The following AMMECR1L variants were observed in gnomAD, a reference collection of about 807,000 sequenced individuals.
AMMECR1L encodes the protein AMMECR1 like, also known as AMMECR1-like protein.
Under a neutral mutation model 36.8 loss-of-function variants are expected in AMMECR1L, and 4 were observed. The ratio of observed to expected loss-of-function variants is 0.11; its 90% CI spans 0.05 to 0.25. The LOEUF (loss-of-function observed/expected upper bound fraction) is 0.25, where lower values mean the gene tolerates loss of function less well. Among genes scored for constraint, AMMECR1L ranks in the 10% least tolerant of loss-of-function variants. The pLI, the probability that AMMECR1L is intolerant of heterozygous loss-of-function variation, is 1.00. For synonymous variants in AMMECR1L, 147 were observed against 148.0 expected (o/e 0.99, Z 0.05); for missense variants, 232 against 392.1 (o/e 0.59, Z 3.45).
Position 127,869,634 on chromosome 2 carries a change from C to T in AMMECR1L, c.634-90G>A, listed in dbSNP as rs1573541669. On this transcript the variant is annotated intron_variant, in intron 5 of 7. Coordinates refer to ENST00000272647, the MANE Select transcript of AMMECR1L (RefSeq NM_001199140.2). This position sits in a 1 kb window ranked among gnomAD's most constrained non-coding sequence, Gnocchi z 4.7. ...ATATAAATCAACATTGTTCCCTGAC[C>T]AGCTTAACACAGGCCTGGAAAAGGG... The T allele has an allele frequency of 1.8e-5, 19 of 1,061,988 alleles. No homozygotes were observed. The highest frequency in any genetic ancestry group is 1.5e-6 in the Non-Finnish European group (1 of 689,636). 65.8% of individuals were successfully genotyped at this position (1,061,988 alleles called of 1,614,324 possible).
At chr2:127,882,626 G>A (rs545121560) in intron 2 of AMMECR1L, among the ~76,000 whole-genome samples, 8 of 151,782 alleles carry the variant, frequency 5.3e-5, no homozygotes, top group South Asian at 2.1e-4. Context: ...CAGGGTCTCC[G>A]TCTGCGGTCC....
rs1690942318 is a variant in AMMECR1L at position 127,871,055 on chromosome 2, C to T, written c.519-127G>A. The T allele has an allele frequency of 2.2e-6, 2 of 920,554 alleles. No individual in the cohort carries two copies. The highest frequency in any genetic ancestry group is 1.7e-5 in the African/African-American group (1 of 59,830). 57.0% of individuals were successfully genotyped at this position (920,554 alleles called of 1,614,324 possible). ...AGTATCTATTGTTCATCAACACTAACATGTTAAAAACAACTCGATGCTATT... is the reference window on the plus strand; with the variant it reads ...AGTATCTATTGTTCATCAACACTAATATGTTAAAAACAACTCGATGCTATT... On this transcript the variant is annotated intron_variant, in intron 4 of 7. Coordinates refer to ENST00000272647, the MANE Select transcript of AMMECR1L (RefSeq NM_001199140.2). This position sits in a 1 kb window ranked among gnomAD's most constrained non-coding sequence, Gnocchi z 4.3.
intron 2 of AMMECR1L, among the ~76,000 whole-genome samples, chr2:127,877,654 C>T (rs1410767561): frequency 1.3e-5 from 2 of 151,978 alleles, no homozygotes; most frequent in Non-Finnish European, 2.9e-5. Context: ...GGATTTAGAT[C>T]ACAATCTATG....
intron 2 of AMMECR1L, among the ~76,000 whole-genome samples, chr2:127,880,495 G>A (rs1691442374): frequency 6.6e-6 from 1 of 152,036 alleles, no homozygotes; most frequent in African/African-American, 2.4e-5. Context: ...TGATGCTGCG[G>A]CGTCCTCATC....
Position 127,869,373 on chromosome 2 carries a change from T to C in AMMECR1L, c.724+81A>G. On this transcript the variant is annotated intron_variant, in intron 6 of 7. Coordinates refer to ENST00000272647, the MANE Select transcript of AMMECR1L (RefSeq NM_001199140.2). The surrounding 1 kb of genome is among the most constrained non-coding windows in gnomAD (Gnocchi z 4.7). ...TCTCAGCTGCAGTTGGGCTGCAAGA[T>C]GACACACTTCACTTTCTTGCCCTTT... 1.5e-6 allele frequency: 2 copies of C among 1,347,204 alleles called. No individual in the cohort carries two copies. The highest frequency in any genetic ancestry group is 2.3e-5 in the East Asian group (1 of 43,226). The allele number at this position is 1,347,204 out of a possible 1,614,324, so 83.5% of individuals were successfully genotyped here.
In AMMECR1L at chr2:127,874,094, T is replaced by C; in HGVS notation, c.141A>G (p.Gly47=). ...QSTTVPGSSS[G]PLQNHQHVDS... is the part of the protein sequence containing the mutation. ...CCACATGCTGGTGGTTTTGAAGAGG[T>C]CCTGAACTAGAGCCGGGGACAGTTG... is the stretch of plus-strand genomic sequence containing the variant. The change falls in exon 3 of 8, where the codon GGA becomes GGG. Residue 47 remains glycine, a synonymous_variant. Coordinates refer to ENST00000272647, the MANE Select transcript of AMMECR1L (RefSeq NM_001199140.2). The surrounding 1 kb of genome is among the most constrained non-coding windows in gnomAD (Gnocchi z 5.2). 6.2e-7 allele frequency: 1 copy of C among 1,614,092 alleles called. No homozygotes were observed. The highest frequency in any genetic ancestry group is 8.5e-7 in the Non-Finnish European group (1 of 1,180,030).
intron 6 of AMMECR1L, 26 bp from the exon 7 acceptor site, chr2:127,867,022 G>A (rs781651082): frequency 7.4e-6 from 12 of 1,613,218 alleles, no homozygotes; most frequent in Middle Eastern, 3.3e-4. Flanking sequence ...GCCACACTGA[G>A]GTCAATGCAC....
At chr2:127,877,322 G>A (rs1691292124) in intron 2 of AMMECR1L, among the ~76,000 whole-genome samples, 1 of 145,234 alleles carries the variant, frequency 6.9e-6, no homozygotes, top group South Asian at 2.3e-4. Context: ...CTGCCACTAA[G>A]TGGCAGCGCT....
chr2:127,885,280 G>T (rs1559003503), intron 1 of AMMECR1L: 2 of 984,112 alleles, frequency 2.0e-6, no homozygotes, highest in Non-Finnish European at 2.4e-6. Flanking sequence ...CCGAGGGACA[G>T]GGTGAAAGGT....
chr2:127,867,013 C>T lies in AMMECR1L; in HGVS notation c.725-17G>A. On this transcript the variant is annotated splice_polypyrimidine_tract_variant and intron_variant, in intron 6 of 7. Coordinates refer to ENST00000272647, the MANE Select transcript of AMMECR1L (RefSeq NM_001199140.2). Reference sequence around the variant, plus strand: ...GATCCCAGTCTGGGGAGGAGAAAGGCCACACTGAGGTCAATGCACATGCAA... The same window carrying T: ...GATCCCAGTCTGGGGAGGAGAAAGGTCACACTGAGGTCAATGCACATGCAA... 1 of 1,613,590 alleles carries T rather than the reference C, an allele frequency of 6.2e-7. No individual in the cohort carries two copies. Among genetic ancestry groups the T allele is most frequent in the East Asian group, 2.2e-5 (1 of 44,886 alleles).
At position 127,874,216 on chromosome 2, in the gene AMMECR1L, CACA is replaced by C; in HGVS notation, c.16_18del (p.Cys6del). 5.0e-6 allele frequency: 8 copies of C among 1,614,174 alleles called. No individual in the cohort carries two copies. Among genetic ancestry groups the C allele is most frequent in the Middle Eastern group, 1.7e-4 (1 of 6,060 alleles). Reference sequence around the variant, plus strand: ...GCCAACTTGGGCTCGAGTGGAGGAACACAACGTCTTTTTCCCATCCTGATTCAG... The same window carrying C: ...GCCAACTTGGGCTCGAGTGGAGGAACACGTCTTTTTCCCATCCTGATTCAG... On this transcript the variant is annotated inframe_deletion, in exon 3 of 8. Coordinates refer to ENST00000272647, the MANE Select transcript of AMMECR1L (RefSeq NM_001199140.2). This position sits in a 1 kb window ranked among gnomAD's most constrained non-coding sequence, Gnocchi z 5.2.
chr2:127,870,326 A>T (rs574401041), intron 5 of AMMECR1L, among the ~76,000 whole-genome samples: 1 of 151,448 alleles, frequency 6.6e-6, no homozygotes, highest in South Asian at 2.1e-4. Context: ...AAAAAAAAAA[A>T]TAGCTGGGCA....
intron 2 of AMMECR1L, among the ~76,000 whole-genome samples, chr2:127,877,972 C>A (rs1691324687): frequency 6.6e-6 from 1 of 151,972 alleles, no homozygotes; most frequent in Non-Finnish European, 1.5e-5. Flanking sequence ...GCAAGAGGAT[C>A]CCCTTGAGCC....
At position 127,874,414 on chromosome 2, in the gene AMMECR1L, G is replaced by C; in HGVS notation, c.-38-142C>G. The C allele has an allele frequency of 1.3e-6, 1 of 772,382 alleles. No individual in the cohort carries two copies. The highest frequency in any genetic ancestry group is 2.8e-5 in the East Asian group (1 of 36,050). The allele number at this position is 772,382 out of a possible 1,614,324, so 47.8% of individuals were successfully genotyped here. A position where few individuals can be genotyped will look rare whatever the true frequency, so the allele number is the denominator to read the frequency against. On this transcript the variant is annotated intron_variant, in intron 2 of 7. Transcript: ENST00000272647. This position sits in a 1 kb window ranked among gnomAD's most constrained non-coding sequence, Gnocchi z 5.2. Reference sequence around the variant, plus strand: ...ACTCAACCTCCAGGTCACAGACCAGGAGAAGAAACCCCTAACCTTTTCCTA... The same window carrying C: ...ACTCAACCTCCAGGTCACAGACCAGCAGAAGAAACCCCTAACCTTTTCCTA...
In AMMECR1L at chr2:127,884,211, GAA is replaced by G. The variant is rs2104787944; in HGVS notation, c.-49_-48del. On this transcript the variant is annotated 5_prime_UTR_variant, in exon 2 of 8. Transcript: ENST00000272647. ...CCCAAGATAATACTCACTGAAAGCA[GAA>G]AGTTTGTATTGCCAGAGGAACAGCT... 6.6e-6 allele frequency: 1 copy of G among 152,336 alleles called. No individual in the cohort carries two copies. The highest frequency in any genetic ancestry group is 1.5e-5 in the Non-Finnish European group (1 of 68,034). The allele number at this position is 152,336 out of a possible 1,614,324, so 9.4% of individuals were successfully genotyped here.
chr2:127,871,378 A>G lies in AMMECR1L; in HGVS notation c.408-19T>C. 1 of 1,609,554 alleles carries G rather than the reference A, an allele frequency of 6.2e-7. No individual in the cohort carries two copies. The highest frequency in any genetic ancestry group is 1.1e-5 in the South Asian group (1 of 90,852). ...GAGCGGACTAAAAAAAGCAAAACAC[A>G]AAACATTCTCCAGCCCCAAATTAAT... On this transcript the variant is annotated intron_variant, in intron 3 of 7. Transcript: ENST00000272647. This position sits in a 1 kb window ranked among gnomAD's most constrained non-coding sequence, Gnocchi z 4.3.
chr2:127,867,242 T>C (rs1314630772), intron 6 of AMMECR1L: 2 of 985,382 alleles, frequency 2.0e-6, no homozygotes, highest in Non-Finnish European at 2.4e-6. Context: ...TCCCTGCTCC[T>C]GCGTCCTTCC....
In AMMECR1L at chr2:127,862,118, T is replaced by C. The variant is rs1321169723; in HGVS notation, c.*2976A>G. 6.5e-6 allele frequency: 1 copy of C among 153,484 alleles called. No individual in the cohort carries two copies. Among genetic ancestry groups the C allele is most frequent in the Non-Finnish European group, 1.5e-5 (1 of 68,052 alleles). The allele number at this position is 153,484 out of a possible 1,614,324, so 9.5% of individuals were successfully genotyped here. A position where few individuals can be genotyped will look rare whatever the true frequency, so the allele number is the denominator to read the frequency against. On this transcript the variant is annotated 3_prime_UTR_variant, in exon 8 of 8. Transcript: ENST00000272647. Reference sequence around the variant, plus strand: ...AGTGATCAAAGACATTCTCTTTTAATGTAAAACAAGGACAATTCATAATTA... The same window carrying C: ...AGTGATCAAAGACATTCTCTTTTAACGTAAAACAAGGACAATTCATAATTA...
At chr2:127,884,667 T>A (rs1691670465) in intron 1 of AMMECR1L, 1 of 152,096 alleles carries the variant, frequency 6.6e-6, no homozygotes. Flanking sequence ...ATTTAAAAGC[T>A]CTCCGCCGGT....
Sources: allele counts gnomAD v4.1 joint callset (sites outside exome capture counted in the v4.1 genomes callset), GRCh38; gene constraint gnomAD v4.1.1; non-coding constraint Gnocchi (gnomAD v3.1); transcripts MANE v1.5; gene names NCBI Gene and HGNC (gene_info 2026-07-23, HGNC 2026-07-21).